The following KIAA1549L variants were observed in gnomAD, a reference collection of about 807,000 sequenced individuals.
KIAA1549L encodes UPF0606 protein KIAA1549L.
A neutral mutation model predicts 160.7 loss-of-function variants in KIAA1549L; 88 were observed. The observed-to-expected ratio is 0.55, with a 90% confidence interval of 0.46 to 0.65. The LOEUF (loss-of-function observed/expected upper bound fraction) is 0.65, where lower values mean the gene tolerates loss of function less well. Among genes scored for constraint, KIAA1549L ranks in the 30% least tolerant of loss-of-function variants. KIAA1549L has a pLI of 0.00. For missense variants in KIAA1549L, 2,258 were observed against 2,437.5 expected, an observed-to-expected ratio of 0.93 and a Z score of 1.55; for synonymous variants, 950 against 976.7, an observed-to-expected ratio of 0.97 and a Z score of 0.51.
chr11:33,417,523 A>G (rs1399661521), intron 1 of KIAA1549L, among the ~76,000 whole-genome samples: 2 of 152,076 alleles, frequency 1.3e-5, no homozygotes, highest in African/African-American at 2.4e-5. Flanking sequence ...CCTGCCCCCG[A>G]CTTTCAGCCA....
chr11:33,396,260 C>G (rs1244295755), intron 1 of KIAA1549L, among the ~76,000 whole-genome samples: 1 of 152,162 alleles, frequency 6.6e-6, no homozygotes, highest in East Asian at 1.9e-4. Flanking sequence ...AAGGGGGCTA[C>G]TGGAGTTGCA....
At chr11:33,561,883 A>G in intron 8 of KIAA1549L, 148 bp downstream of exon 8, 1 of 637,696 alleles carries the variant, frequency 1.6e-6, no homozygotes, top group South Asian at 1.9e-5. Flanking sequence ...CCAGAAGTGA[A>G]TGGGGTAAGC....
At chr11:33,637,025 C>T (rs1389197620) in intron 16 of KIAA1549L, among the ~76,000 whole-genome samples, 1 of 152,142 alleles carries the variant, frequency 6.6e-6, no homozygotes, top group Non-Finnish European at 1.5e-5. Context: ...GACTTTTGAG[C>T]AGACCTAAAA....
intron 1 of KIAA1549L, among the ~76,000 whole-genome samples, chr11:33,378,636 G>A (rs921474715): frequency 6.6e-6 from 1 of 152,134 alleles, no homozygotes; most frequent in African/African-American, 2.4e-5. Context: ...CGAGCGACTC[G>A]TTGCTTCCTC....
chr11:33,596,187 T>G (rs1213166771), intron 12 of KIAA1549L, among the ~76,000 whole-genome samples: 1 of 152,220 alleles, frequency 6.6e-6, no homozygotes, highest in Non-Finnish European at 1.5e-5. Context: ...ACTTTCTTGC[T>G]TTCAAAAACA....
chr11:33,487,798 G>A (rs1312224528), intron 1 of KIAA1549L, among the ~76,000 whole-genome samples: 1 of 152,152 alleles, frequency 6.6e-6, no homozygotes, highest in Non-Finnish European at 1.5e-5. Context: ...AAAGTTGGAA[G>A]ACCAAAATGA....
At chr11:33,639,783 G>A (rs866280100) in intron 16 of KIAA1549L, among the ~76,000 whole-genome samples, 11 of 152,166 alleles carry the variant, frequency 7.2e-5, no homozygotes, top group Non-Finnish European at 1.2e-4. Flanking sequence ...CAAATGATCC[G>A]CCCGCCTTGG....
chr11:33,661,046 T>C, intron 20 of KIAA1549L, 32 bp downstream of exon 20: 1 of 1,577,958 alleles, frequency 6.3e-7, no homozygotes, highest in Non-Finnish European at 8.6e-7. Context: ...TCATAAAACT[T>C]TACCTGCTTA....
intron 1 of KIAA1549L, among the ~76,000 whole-genome samples, chr11:33,503,612 T>C (rs1253211825): frequency 6.6e-6 from 1 of 152,236 alleles, no homozygotes; most frequent in African/African-American, 2.4e-5. Flanking sequence ...ATTTATCACA[T>C]AAGTCTATTT....
At chr11:33,469,891 T>C (rs1219817857) in intron 1 of KIAA1549L, among the ~76,000 whole-genome samples, 1 of 152,262 alleles carries the variant, frequency 6.6e-6, no homozygotes, top group African/African-American at 2.4e-5. Flanking sequence ...TGCTTAACTG[T>C]AAGAGCTCTT....
At chr11:33,417,926 C>T (rs149806619) in intron 1 of KIAA1549L, among the ~76,000 whole-genome samples, 1 of 152,108 alleles carries the variant, frequency 6.6e-6, no homozygotes, top group Non-Finnish European at 1.5e-5. Flanking sequence ...TACAGGTGCC[C>T]ACCACCACGC....
intron 1 of KIAA1549L, among the ~76,000 whole-genome samples, chr11:33,506,905 C>G (rs1282470842): frequency 2.0e-5 from 3 of 152,110 alleles, no homozygotes; most frequent in African/African-American, 7.2e-5. Context: ...CACCTCCCAC[C>G]AAAACCAGGG....
At chr11:33,404,343 G>A (rs544260246) in intron 1 of KIAA1549L, among the ~76,000 whole-genome samples, 81 of 152,192 alleles carry the variant, frequency 5.3e-4, no homozygotes, top group South Asian at 1.0e-3. Context: ...CGGGCAACAT[G>A]GTGAAACCTC....
At chr11:33,407,147 T>C (rs561120960) in intron 1 of KIAA1549L, among the ~76,000 whole-genome samples, 57 of 138,684 alleles carry the variant, frequency 4.1e-4, no homozygotes, top group South Asian at 1.8e-3. Flanking sequence ...TGCAGTGGCG[T>C]GATCTCGGCT....
At chr11:33,588,340 G>GAA (rs1849942251) in intron 11 of KIAA1549L, among the ~76,000 whole-genome samples, 1 of 152,198 alleles carries the variant, frequency 6.6e-6, no homozygotes, top group Non-Finnish European at 1.5e-5. Context: ...AACAGGACAT[G>GAA]AAACTGGGCA....
rs184080557 is a variant in KIAA1549L, at chr11:33,465,791, A to G, written c.239-76011A>G. 3.1e-3 allele frequency among the ~76,000 whole-genome samples: 468 copies of G among 152,322 alleles called. 1 individual carries two copies. Among genetic ancestry groups the G allele is most frequent in the African/African-American group, 0.011 (455 of 41,578 alleles). On this transcript the variant is annotated intron_variant, in intron 1 of 20. Coordinates refer to ENST00000658780, the MANE Select transcript of KIAA1549L (RefSeq NM_012194.3). ...TGTGCCGGGAAAACTGGCTAGCCAT[A>G]TGTAGAAAGCTGAAACTGGATCCCT...
chr11:33,445,092 C>G (rs1007353549), intron 1 of KIAA1549L, among the ~76,000 whole-genome samples: 3 of 152,190 alleles, frequency 2.0e-5, no homozygotes, highest in Admixed American at 6.5e-5. Flanking sequence ...GAGCGCAGCA[C>G]AGTTAGGCCC....
At chr11:33,570,433 C>G (rs992265628) in intron 9 of KIAA1549L, among the ~76,000 whole-genome samples, 8 of 126,014 alleles carry the variant, frequency 6.3e-5, no homozygotes, top group African/African-American at 2.4e-4. Context: ...TGTAACATAC[C>G]CTTAAGGAAA....
At chr11:33,610,328 G>A (rs1850617541) in intron 15 of KIAA1549L, among the ~76,000 whole-genome samples, 1 of 152,182 alleles carries the variant, frequency 6.6e-6, no homozygotes, top group South Asian at 2.1e-4. Flanking sequence ...AGAGGCTCTT[G>A]CATAAGAAAA....
Sources: allele counts gnomAD v4.1 joint callset (sites outside exome capture counted in the v4.1 genomes callset), GRCh38; gene constraint gnomAD v4.1.1; transcripts MANE v1.5; gene names NCBI Gene and HGNC (gene_info 2026-07-23, HGNC 2026-07-21).